The following COL6A3 variants were observed in gnomAD, a reference collection of about 807,000 sequenced individuals.
COL6A3 encodes collagen alpha-3(VI) chain.
Under a neutral mutation model 274.1 loss-of-function variants are expected in COL6A3, and 137 were observed. That is an observed-to-expected ratio of 0.50 (90% CI 0.44 to 0.58). The LOEUF (loss-of-function observed/expected upper bound fraction) is 0.58, where lower values mean the gene tolerates loss of function less well. Among genes scored for constraint, COL6A3 ranks in the 20% least tolerant of loss-of-function variants. COL6A3 has a pLI of 0.00. For synonymous variants in COL6A3, 1,650 were observed against 1,650.6 expected, an observed-to-expected ratio of 1.00 and a Z score of 0.01; for missense variants, 3,950 against 4,124.9, an observed-to-expected ratio of 0.96 and a Z score of 1.16.
chr2:237,334,597 G>A, intron 41 of COL6A3, 29 bp downstream of exon 41: 1 of 1,611,064 alleles, frequency 6.2e-7, no homozygotes, highest in South Asian at 1.1e-5. Flanking sequence ...TAGAAATCAG[G>A]TACCGACTTG....
rs1334499975 is a variant in COL6A3, at chr2:237,339,117, C to T, written c.8465G>A (p.Ser2822Asn). The stretch of plus-strand genomic sequence containing the variant: ...TGGGGACAAGTAAAAAGCATTTTCA[C>T]CTAAAGAAAAAAAACAAAGAAAACA... ...FGRLLPSFVS[S>N]ENAFYLSPDI... is the part of the protein sequence containing the mutation. Residue 2822 changes from serine (S) to asparagine (N), a missense_variant and splice_region_variant, in exon 39 of 44, where the codon AGT (serine) becomes AAT (asparagine). Around this residue, in one of 5 missense-constraint regions of COL6A3, gnomAD observed 1,284 missense variants for 1,349.7 expected, o/e 0.95. Coordinates refer to ENST00000295550, the MANE Select transcript of COL6A3 (RefSeq NM_004369.4). The T allele has an allele frequency of 7.5e-6, 12 of 1,609,590 alleles. No homozygotes were observed. Among genetic ancestry groups the T allele is most frequent in the Non-Finnish European group, 1.0e-5 (12 of 1,176,354 alleles).
In COL6A3 at chr2:237,377,646, G is replaced by A. The variant is rs73093763; in HGVS notation, c.2498-302C>T. Among the ~76,000 whole-genome samples the A allele has an allele frequency of 2.8e-3, 426 of 152,246 alleles. 4 individuals are homozygous for A. The highest frequency in any genetic ancestry group is 9.4e-3 in the African/African-American group (392 of 41,536). ...TGTGTTCTTACATCAGGTGGCAATC[G>A]CTCCAGGAAAACAGACAGCAGTTTC... On this transcript the variant is annotated intron_variant, in intron 6 of 43. Transcript: ENST00000295550.
intron 37 of COL6A3, among the ~76,000 whole-genome samples, 192 bp from the exon 38 acceptor site, chr2:237,341,342 G>A (rs977693655): frequency 2.0e-5 from 3 of 151,904 alleles, no homozygotes; most frequent in Admixed American, 1.3e-4. Context: ...TCAAGAGATC[G>A]AGATCATCCT....
Position 237,387,364 on chromosome 2 carries a change from T to C in COL6A3, c.1312+218A>G, listed in dbSNP as rs77372376. On this transcript the variant is annotated intron_variant, in intron 4 of 43. Coordinates refer to ENST00000295550, the MANE Select transcript of COL6A3 (RefSeq NM_004369.4). The stretch of plus-strand genomic sequence containing the variant: ...AGCACGCTTTCTCAGCAACTCATAC[T>C]CTCGTAAGAGCTTTCACTCACTCAT... 7.1e-3 allele frequency among the ~76,000 whole-genome samples: 1,075 copies of C among 152,296 alleles called. 13 individuals carry two copies. Among genetic ancestry groups the C allele is most frequent in the African/African-American group, 0.024 (986 of 41,558 alleles).
chr2:237,335,604 T>C (rs890440214), intron 40 of COL6A3, among the ~76,000 whole-genome samples: 8 of 152,168 alleles, frequency 5.3e-5, no homozygotes, highest in African/African-American at 1.7e-4. Flanking sequence ...ACACCCAGTA[T>C]TGCCACAGCA....
At position 237,374,604 on chromosome 2, in the gene COL6A3, T is replaced by G. The variant is rs116567860; in HGVS notation, c.3487A>C (p.Ile1163Leu). Residue 1163 changes from isoleucine to leucine, a missense_variant, in exon 8 of 44, where the codon ATT (isoleucine) becomes CTT (leucine). By Grantham distance (5) the Ile-to-Leu change is conservative. This residue lies in a region of COL6A3 where 1,934 missense variants were observed against 1,984.3 expected (regional missense o/e 0.97). Coordinates refer to ENST00000295550, the MANE Select transcript of COL6A3 (RefSeq NM_004369.4). The surrounding 1 kb of genome is among the most constrained non-coding windows in gnomAD (Gnocchi z 4.8). ...VVVKRGGAVP[I>L]GIGIGNADIT... The stretch of plus-strand genomic sequence containing the variant: ...TCAGCGTTCCCGATGCCAATGCCAA[T>G]GGGCACAGCCCCACCCCTCTTCACG... The G allele has an allele frequency of 1.9e-6, 3 of 1,614,078 alleles. No homozygotes were observed. Among genetic ancestry groups the G allele is most frequent in the East Asian group, 4.5e-5 (2 of 44,860 alleles).
intron 1 of COL6A3, 112 bp from the exon 2 acceptor site, chr2:237,396,959 T>C: frequency 1.4e-6 from 1 of 732,276 alleles, no homozygotes; most frequent in Non-Finnish European, 2.4e-6. Flanking sequence ...GAAGACTTTG[T>C]ATCTGATTCA....
At chr2:237,388,308 A>G (rs1574741545) in intron 3 of COL6A3, 124 bp from the exon 4 acceptor site, 5 of 1,197,772 alleles carry the variant, frequency 4.2e-6, no homozygotes, top group Non-Finnish European at 6.0e-6. Context: ...CAAACAAAAC[A>G]CATGTTGATG....
chr2:237,335,203 A>G (rs187116208), intron 40 of COL6A3, among the ~76,000 whole-genome samples: 1 of 152,360 alleles, frequency 6.6e-6, no homozygotes, highest in African/African-American at 2.4e-5. Context: ...GTTTGCTACA[A>G]AATGAGCCCC....
At position 237,340,942 on chromosome 2, in the gene COL6A3, G is replaced by A. The variant is rs2076974486; in HGVS notation, c.7974C>T (p.Ser2658=). The change falls in exon 38 of 44, where the codon TCC becomes TCT. Residue 2658 remains serine (S), a synonymous_variant. Coordinates refer to ENST00000295550, the MANE Select transcript of COL6A3 (RefSeq NM_004369.4). Reference sequence around the variant, plus strand: ...CAACTGCCACTCTGGCGAAGTGCTGGGAGGCCTTGGGATCTGGGCTCATGT... The same window carrying A: ...CAACTGCCACTCTGGCGAAGTGCTGAGAGGCCTTGGGATCTGGGCTCATGT... ...QLDMSPDPKA[S]QHFARVAVVQ... 1 of 1,613,848 alleles carries A rather than the reference G, an allele frequency of 6.2e-7. No homozygotes were observed. The highest frequency in any genetic ancestry group is 8.5e-7 in the Non-Finnish European group (1 of 1,179,764).
chr2:237,390,235 A>C (rs1447129575), intron 3 of COL6A3, among the ~76,000 whole-genome samples: 1 of 152,238 alleles, frequency 6.6e-6, no homozygotes, highest in African/African-American at 2.4e-5. Context: ...TTTGGGTTGA[A>C]ATTTATAGTC....
At position 237,384,324 on chromosome 2, in the gene COL6A3, G is replaced by C. The variant is rs572800713; in HGVS notation, c.1313-2825C>G. Among the ~76,000 whole-genome samples the C allele has an allele frequency of 2.0e-5, 3 of 152,118 alleles. No individual in the cohort carries two copies. The East Asian group carries it at 5.8e-4, about 29-fold the overall frequency. ...ACAGCTGTCTTATCTCTTTAATGTG[G>C]CTCTGCAGGGCCTGACTTCACTGCC... On this transcript the variant is annotated intron_variant, in intron 4 of 43. Transcript: ENST00000295550.
At chr2:237,346,475 G>A in intron 32 of COL6A3, 28 bp downstream of exon 32, 3 of 1,608,482 alleles carry the variant, frequency 1.9e-6, no homozygotes, top group Non-Finnish European at 2.6e-6. Flanking sequence ...GCCCCAGGTG[G>A]CCGGGTCAGA....
At chr2:237,332,169 G>T (rs758782955) in intron 42 of COL6A3, among the ~76,000 whole-genome samples, 21 of 132,700 alleles carry the variant, frequency 1.6e-4, no homozygotes, top group Admixed American at 8.1e-5. Flanking sequence ...AGACATTGTT[G>T]TTTATATGAA....
chr2:237,396,667 G>T (rs578192399), intron 2 of COL6A3, 60 bp downstream of exon 2: 13 of 1,538,694 alleles, frequency 8.4e-6, no homozygotes, highest in Non-Finnish European at 1.2e-5. Context: ...TGATGTCTAA[G>T]ATCTAAAATC....
chr2:237,328,960 G>A (rs1037624921), intron 42 of COL6A3: 2 of 152,242 alleles, frequency 1.3e-5, no homozygotes, highest in African/African-American at 4.8e-5. Flanking sequence ...ATGCAGGTAT[G>A]ATTTGCCTGA....
At position 237,358,526 on chromosome 2, in the gene COL6A3, C is replaced by A. The variant is rs1483242059; in HGVS notation, c.6466G>T (p.Asp2156Tyr). 3.1e-6 allele frequency: 5 copies of A among 1,613,606 alleles called. No individual in the cohort carries two copies. Among genetic ancestry groups the A allele is most frequent in the Non-Finnish European group, 4.2e-6 (5 of 1,179,640 alleles). Residue 2156 changes from aspartate (D) to tyrosine (Y), a missense_variant, in exon 21 of 44, where the codon GAC becomes TAC. Coordinates refer to ENST00000295550, the MANE Select transcript of COL6A3 (RefSeq NM_004369.4). ...GTCAATAAAGAAATCTTTACCGGGT[C>A]CCCTCGAATCCCAACATCTCCTCTT... is the stretch of plus-strand genomic sequence containing the variant. Reference protein sequence around the residue: ...GERGDVGIRGDPGNPGQDSQE... With the variant: ...GERGDVGIRGYPGNPGQDSQE...
chr2:237,367,767 AGAGGCCCCTTAACCTTTGGAT>A (rs1468252854), intron 10 of COL6A3, among the ~76,000 whole-genome samples: 3 of 152,214 alleles, frequency 2.0e-5, no homozygotes, highest in African/African-American at 7.2e-5. Flanking sequence ...GAAAATAGGA[AGAGGCCCCTTAACCTTTGGAT>A]GATGGTCTGA....
chr2:237,333,818 A>G (rs1267520381), intron 41 of COL6A3, among the ~76,000 whole-genome samples: 2 of 152,180 alleles, frequency 1.3e-5, no homozygotes, highest in Non-Finnish European at 2.9e-5. Flanking sequence ...GCTGCTGTCC[A>G]GGAAAATAGA....
Sources: gnomAD v4.1 joint callset for allele counts (sites outside exome capture counted in the v4.1 genomes callset) on GRCh38, gnomAD v4.1.1 for gene constraint, gnomAD v4.1.1 regional missense constraint, Gnocchi (gnomAD v3.1) non-coding constraint, MANE v1.5 for transcripts, NCBI Gene and HGNC (gene_info 2026-07-23, HGNC 2026-07-21) for gene names.